Variants in EVC observed in about 807,000 individuals in gnomAD.
The protein encoded by EVC is evC complex member EVC.
In EVC, 116 loss-of-function variants were observed where a neutral mutation model predicts 118.9. That is an observed-to-expected ratio of 0.98 (90% CI 0.84 to 1.14). The LOEUF is 1.14. Ranked by LOEUF, EVC falls within the 50% of genes most tolerant of loss-of-function variation. The pLI is 0.00. For synonymous variants in EVC, 619 were observed against 534.7 expected (o/e 1.16, Z -2.18); for missense variants, 1,401 against 1,246.4 (o/e 1.12, Z -1.87).
chr4:5,793,768 C>T, intron 13 of EVC, 51 bp downstream of exon 13: 1 of 1,397,224 alleles, frequency 7.2e-7, no homozygotes, highest in Non-Finnish European at 9.9e-7. Context: ...CATGATGCTC[C>T]CTCCAGCCTC....
At chr4:5,819,444 C>G in the EVC span, among the ~76,000 whole-genome samples, 2 of 152,234 alleles carry the variant, frequency 1.3e-5, no homozygotes, top group Non-Finnish European at 2.9e-5. Flanking sequence ...TCTCCAAGAA[C>G]TAAGGATTAT....
intron 5 of EVC, among the ~76,000 whole-genome samples, chr4:5,736,634 C>G (rs1385751785): frequency 6.6e-6 from 1 of 151,792 alleles, no homozygotes; most frequent in Non-Finnish European, 1.5e-5. Flanking sequence ...GTAATTCTTG[C>G]AATATTTCAA....
intron 17 of EVC, 117 bp downstream of exon 17, chr4:5,804,958 C>A: frequency 1.1e-6 from 1 of 885,738 alleles, no homozygotes. Flanking sequence ...ACTTGGGGGC[C>A]ATCGGCCTTC....
chr4:5,813,235 A>G lies in EVC; in HGVS notation c.*2198A>G, dbSNP rs1017622691. The G allele has an allele frequency of 6.6e-6, 1 of 152,164 alleles. No homozygotes were observed. Among genetic ancestry groups the G allele is most frequent in the African/African-American group, 2.4e-5 (1 of 41,428 alleles). The allele number at this position is 152,164 out of a possible 1,614,324, so 9.4% of individuals were successfully genotyped here. A position where few individuals can be genotyped will look rare whatever the true frequency, so the allele number is the denominator to read the frequency against. On this transcript the variant is annotated 3_prime_UTR_variant, in exon 21 of 21. Coordinates refer to ENST00000264956, the MANE Select transcript of EVC (RefSeq NM_153717.3). The stretch of plus-strand genomic sequence containing the variant: ...TTAAAACCTGCTTTGCATAGAAATC[A>G]CTTTTGCCCAGGCTGGAGTGCAGTG...
intron 5 of EVC, among the ~76,000 whole-genome samples, chr4:5,741,412 A>G (rs1173242034): frequency 6.6e-6 from 1 of 152,212 alleles, no homozygotes; most frequent in Admixed American, 6.5e-5. Context: ...TCACACATGG[A>G]AATGGGGGAT....
chr4:5,720,683 G>T (rs1302734382), intron 2 of EVC, among the ~76,000 whole-genome samples: 1 of 152,224 alleles, frequency 6.6e-6, no homozygotes, highest in Non-Finnish European at 1.5e-5. Context: ...GGGGGGCATT[G>T]CCCTGCCCTT....
chr4:5,806,911 T>C (rs1227547129), intron 17 of EVC, among the ~76,000 whole-genome samples: 2 of 152,222 alleles, frequency 1.3e-5, no homozygotes, highest in African/African-American at 4.8e-5. Flanking sequence ...CTTGTGGCTT[T>C]AACTTGCATT....
At chr4:5,733,505 A>G in intron 5 of EVC, 70 bp downstream of exon 5, 40 of 1,306,152 alleles carry the variant, frequency 3.1e-5, no homozygotes, top group Non-Finnish European at 4.3e-5. Context: ...CTCTGTGTGC[A>G]GTGAGTCCCA....
intron 8 of EVC, among the ~76,000 whole-genome samples, chr4:5,748,691 TCCATCCAC>T: frequency 3.2e-5 from 3 of 92,374 alleles, no homozygotes; most frequent in African/African-American, 1.2e-4. Flanking sequence ...CACCCACCCA[TCCATCCAC>T]CCGTCCACCC....
downstream of EVC, among the ~76,000 whole-genome samples, chr4:5,816,499 T>TC (rs1296579298): frequency 6.6e-6 from 1 of 152,098 alleles, no homozygotes; most frequent in Admixed American, 6.5e-5. Context: ...GACTTCTTGC[T>TC]CTACCTGCTG....
rs1345794075 is a variant in EVC at position 5,748,203 on chromosome 4, T to A, written c.995T>A (p.Phe332Tyr). ...ANIQHFLVDQ[F>Y]KCSSSKARQL... is the part of the protein sequence containing the mutation. The stretch of plus-strand genomic sequence containing the variant: ...ATCCAGCACTTTCTTGTGGACCAGT[T>A]TAAGTGTTCCAGCTCCAAAGCCCGA... Residue 332 changes from phenylalanine to tyrosine, a missense_variant, in exon 8 of 21, where the codon TTT (phenylalanine) becomes TAT (tyrosine). Phe to Tyr is a conservative substitution (Grantham distance 22). Transcript: ENST00000264956. 1 of 1,614,046 alleles carries A rather than the reference T, an allele frequency of 6.2e-7. No homozygotes were observed. Among genetic ancestry groups the A allele is most frequent in the East Asian group, 2.2e-5 (1 of 44,888 alleles).
chr4:5,826,921 T>G, the EVC span: 2 of 152,942 alleles, frequency 1.3e-5, no homozygotes, highest in Non-Finnish European at 2.9e-5. Flanking sequence ...CCCTCCCCTC[T>G]GTCCCTGGAG....
chr4:5,781,652 C>T (rs928465572), intron 11 of EVC, among the ~76,000 whole-genome samples: 1 of 152,046 alleles, frequency 6.6e-6, no homozygotes, highest in Non-Finnish European at 1.5e-5. Flanking sequence ...GCTTGAGCAA[C>T]ACAGCAAAAC....
Position 5,798,832 on chromosome 4 carries a change from G to T in EVC, c.2304+40G>T. 6.3e-7 allele frequency: 1 copy of T among 1,588,846 alleles called. No homozygotes were observed. The highest frequency in any genetic ancestry group is 1.1e-5 in the South Asian group (1 of 87,782). On this transcript the variant is annotated intron_variant, in intron 15 of 20. Coordinates refer to ENST00000264956, the MANE Select transcript of EVC (RefSeq NM_153717.3). This position sits in a 1 kb window ranked among gnomAD's most constrained non-coding sequence, Gnocchi z 4.1. The stretch of plus-strand genomic sequence containing the variant: ...CTGTCCCTGGGGACACCGAGGGCAA[G>T]AATGTTCAGGGTAGGGTCCATGCCT...
chr4:5,825,132 A>G, the EVC span: 36 of 985,306 alleles, frequency 3.7e-5, no homozygotes, highest in East Asian at 4.5e-4. The surrounding 1 kb of genome is among the most constrained non-coding windows in gnomAD (Gnocchi z 4.4). Flanking sequence ...ATGCCCTGCA[A>G]ATGGCAGCTA....
rs988731721 is a variant in EVC, at chr4:5,737,218, T to G, written c.702+3783T>G. Among the ~76,000 whole-genome samples, 1 of 152,082 alleles carries G rather than the reference T, an allele frequency of 6.6e-6. No individual in the cohort carries two copies. Among genetic ancestry groups the G allele is most frequent in the Admixed American group, 6.5e-5 (1 of 15,280 alleles). ...CTCTAACTCTCTTCAATTCTGTGAG[T>G]GCTGAGAGAGGTGAGGAAGCTGCAG... On this transcript the variant is annotated intron_variant, in intron 5 of 20. Transcript: ENST00000264956. This position sits in a 1 kb window ranked among gnomAD's most constrained non-coding sequence, Gnocchi z 5.0.
At chr4:5,741,890 T>A in intron 6 of EVC, 76 bp downstream of exon 6, 1 of 766,896 alleles carries the variant, frequency 1.3e-6, no homozygotes, top group Non-Finnish European at 2.1e-6. Context: ...ATGCAAAAAT[T>A]TTTTTCTTTC....
At chr4:5,729,459 T>G (rs1211585546) in intron 3 of EVC, 69 bp downstream of exon 3, 7 of 1,423,016 alleles carry the variant, frequency 4.9e-6, no homozygotes, top group Non-Finnish European at 7.0e-6. Context: ...GGGAGGAAAG[T>G]GGGGGGATTA....
the EVC span, chr4:5,827,976 G>T: frequency 1.1e-6 from 1 of 935,608 alleles, no homozygotes; most frequent in Non-Finnish European, 1.3e-6. Context: ...GGAAAATAAG[G>T]AACGACAGGG....
Sources: allele counts gnomAD v4.1 joint callset (sites outside exome capture counted in the v4.1 genomes callset), GRCh38; gene constraint gnomAD v4.1.1; non-coding constraint Gnocchi (gnomAD v3.1); transcripts MANE v1.5; gene names NCBI Gene and HGNC (gene_info 2026-07-23, HGNC 2026-07-21).